The following ZCWPW2 variants were observed in gnomAD, a reference collection of about 807,000 sequenced individuals.
The protein encoded by ZCWPW2 is zinc finger CW-type and PWWP domain containing 2.
A neutral mutation model predicts 46.6 loss-of-function variants in ZCWPW2; 45 were observed. The ratio of observed to expected loss-of-function variants is 0.96; its 90% CI spans 0.76 to 1.24. The LOEUF (loss-of-function observed/expected upper bound fraction) is 1.24. ZCWPW2 is among the 50% of genes most tolerant of loss of function. The pLI is 0.00. For missense variants in ZCWPW2, 429 were observed against 403.9 expected, an observed-to-expected ratio of 1.06 and a Z score of -0.53; for synonymous variants, 152 against 137.1, an observed-to-expected ratio of 1.11 and a Z score of -0.76.
At chr3:28,362,871 C>A (rs1157259224) in intron 1 of ZCWPW2, among the ~76,000 whole-genome samples, 1 of 152,058 alleles carries the variant, frequency 6.6e-6, no homozygotes, top group Non-Finnish European at 1.5e-5. Context: ...CCATGGAATA[C>A]TTTGCAGTCA....
Position 28,524,574 on chromosome 3 carries a change from C to T in ZCWPW2, c.957C>T (p.Asn319=). The T allele has an allele frequency of 6.2e-7, 1 of 1,608,612 alleles. No individual in the cohort carries two copies. The highest frequency in any genetic ancestry group is 8.5e-7 in the Non-Finnish European group (1 of 1,177,548). The part of the protein sequence containing the change: ...PEAPAGSLFE[N]HYEEDYLVID... ...CTCCTGCAGGCAGTCTGTTTGAAAA[C>T]CACTATGAAGAGGACTATCTTGTAA... is the stretch of plus-strand genomic sequence containing the variant. The change falls in exon 10 of 10, where the codon AAC becomes AAT. Residue 319 remains asparagine (N), a synonymous_variant. Coordinates refer to ENST00000383768, the MANE Select transcript of ZCWPW2 (RefSeq NM_001040432.4).
chr3:28,393,569 C>T (rs1695580122), intron 2 of ZCWPW2, among the ~76,000 whole-genome samples: 1 of 152,026 alleles, frequency 6.6e-6, no homozygotes, highest in Non-Finnish European at 1.5e-5. Context: ...AATTAAACAG[C>T]ACATTAAAAG....
At chr3:28,419,912 C>T (rs1260652102) in intron 3 of ZCWPW2, among the ~76,000 whole-genome samples, 3 of 115,906 alleles carry the variant, frequency 2.6e-5, no homozygotes, top group Non-Finnish European at 3.5e-5. Context: ...CATCACACAC[C>T]GGGGACTGTT....
intron 1 of ZCWPW2, among the ~76,000 whole-genome samples, chr3:28,368,001 G>C (rs1191172423): frequency 1.3e-5 from 2 of 152,092 alleles, no homozygotes; most frequent in Non-Finnish European, 1.5e-5. Context: ...TTGCTTGGTA[G>C]ATCTTCCTCC....
chr3:28,515,745 GTATACACATATATACA>G, intron 8 of ZCWPW2, 124 bp downstream of exon 8: 1 of 720,400 alleles, frequency 1.4e-6, no homozygotes, highest in Non-Finnish European at 2.2e-6. Context: ...GTGTGTGTGT[GTATACACATATATACA>G]TGTGCGTACA....
chr3:28,447,402 AT>A (rs1335851506), intron 4 of ZCWPW2, among the ~76,000 whole-genome samples: 6 of 152,160 alleles, frequency 3.9e-5, no homozygotes, highest in African/African-American at 9.6e-5. Context: ...AAGAAAAAAA[AT>A]GATCAGCTTA....
rs986044606 is a variant in ZCWPW2 at position 28,500,705 on chromosome 3, G to A, written c.657+8532G>A. Reference sequence around the variant, plus strand: ...AGTTGCTTACATTTTATGACTAGATGTCTGGATATTTGTGGTAATTGCTAA... The same window carrying A: ...AGTTGCTTACATTTTATGACTAGATATCTGGATATTTGTGGTAATTGCTAA... On this transcript the variant is annotated intron_variant, in intron 6 of 9. Transcript: ENST00000383768. Among the ~76,000 whole-genome samples, 12 of 152,264 alleles carry A rather than the reference G, an allele frequency of 7.9e-5. 1 individual carries two copies. Among genetic ancestry groups the A allele is most frequent in the Admixed American group, 2.0e-4 (3 of 15,264 alleles).
At chr3:28,469,074 G>A (rs1559517379) in intron 4 of ZCWPW2, among the ~76,000 whole-genome samples, 1 of 152,100 alleles carries the variant, frequency 6.6e-6, no homozygotes, top group Non-Finnish European at 1.5e-5. Flanking sequence ...AAAAGAGGGA[G>A]GAAGGAGTTA....
chr3:28,514,052 T>C lies in ZCWPW2; in HGVS notation c.658-12T>C. The stretch of plus-strand genomic sequence containing the variant: ...ATATGAACTAACTCATATTTTTGTT[T>C]TTGTGTTATAGAAGCAGACTTCTAA... On this transcript the variant is annotated splice_polypyrimidine_tract_variant and intron_variant, in intron 6 of 9. Coordinates refer to ENST00000383768, the MANE Select transcript of ZCWPW2 (RefSeq NM_001040432.4). 3 of 1,497,402 alleles carry C rather than the reference T, an allele frequency of 2.0e-6. No homozygotes were observed. The highest frequency in any genetic ancestry group is 2.7e-6 in the Non-Finnish European group (3 of 1,097,950). The allele number at this position is 1,497,402 out of a possible 1,614,324, so 92.8% of individuals were successfully genotyped here. A position where few individuals can be genotyped will look rare whatever the true frequency, so the allele number is the denominator to read the frequency against.
chr3:28,500,850 G>A (rs10460987), intron 6 of ZCWPW2, among the ~76,000 whole-genome samples: 22,004 of 152,110 alleles, frequency 0.14, 2,154 homozygotes, highest in East Asian at 0.44. Flanking sequence ...TCTAGCCCTA[G>A]GCAGAGAGAA....
At chr3:28,461,448 A>G (rs963663297) in intron 4 of ZCWPW2, 2 of 152,148 alleles carry the variant, frequency 1.3e-5, no homozygotes, top group Non-Finnish European at 2.9e-5. Flanking sequence ...TAAATTGTTT[A>G]CCCAAAATGA....
chr3:28,514,074 C>A lies in ZCWPW2; in HGVS notation c.668C>A (p.Ser223Tyr), dbSNP rs760490798. The change falls in exon 7 of 10, where the codon TCT becomes TAT. Residue 223 changes from serine to tyrosine, a missense_variant. Physicochemically the swap from Ser to Tyr is moderately radical, Grantham distance 144 (BLOSUM62 -2). Coordinates refer to ENST00000383768, the MANE Select transcript of ZCWPW2 (RefSeq NM_001040432.4). Reference protein sequence around the residue: ...AALVKKRKQTSKNNIEKKKPK... With the variant: ...AALVKKRKQTYKNNIEKKKPK... ...GTTTTTGTGTTATAGAAGCAGACTT[C>A]TAAAAATAATATTGAAAAGAAGAAG... 3.3e-6 allele frequency: 5 copies of A among 1,507,126 alleles called. No individual in the cohort carries two copies. Among genetic ancestry groups the A allele is most frequent in the Admixed American group, 1.8e-5 (1 of 54,378 alleles). 93.4% of individuals were successfully genotyped at this position (1,507,126 alleles called of 1,614,324 possible). A position where few individuals can be genotyped will look rare whatever the true frequency, so the allele number is the denominator to read the frequency against.
chr3:28,517,239 A>G (rs954715995), intron 8 of ZCWPW2, among the ~76,000 whole-genome samples: 10 of 152,192 alleles, frequency 6.6e-5, no homozygotes, highest in African/African-American at 2.4e-4. Context: ...ACCAGTAGCT[A>G]CTATATAAGG....
chr3:28,514,516 C>T (rs1006136770), intron 7 of ZCWPW2, among the ~76,000 whole-genome samples: 1 of 152,078 alleles, frequency 6.6e-6, no homozygotes, highest in African/African-American at 2.4e-5. Context: ...GGATAAGGGG[C>T]CAAAGGAGTT....
intron 8 of ZCWPW2, among the ~76,000 whole-genome samples, chr3:28,520,003 T>G (rs190337323): frequency 3.6e-3 from 538 of 151,046 alleles, no homozygotes; most frequent in Non-Finnish European, 6.0e-3. Context: ...TTTTTTTTTT[T>G]GCCTATTTTT....
chr3:28,446,867 A>G (rs1453480557), intron 4 of ZCWPW2, among the ~76,000 whole-genome samples: 5 of 152,150 alleles, frequency 3.3e-5, no homozygotes, highest in African/African-American at 1.2e-4. Flanking sequence ...AAAAATGACT[A>G]TAAGAGCATA....
chr3:28,454,198 C>G (rs1184536297), intron 4 of ZCWPW2, among the ~76,000 whole-genome samples: 2 of 152,128 alleles, frequency 1.3e-5, no homozygotes, highest in Non-Finnish European at 2.9e-5. Context: ...TTCATTAATT[C>G]TTCCTTCTAC....
chr3:28,456,617 T>C (rs1698432376), intron 4 of ZCWPW2, among the ~76,000 whole-genome samples: 1 of 152,232 alleles, frequency 6.6e-6, no homozygotes, highest in South Asian at 2.1e-4. Context: ...TTGTCTTTTA[T>C]GGCTCTTATT....
At chr3:28,370,155 C>A (rs1241339266) in intron 1 of ZCWPW2, among the ~76,000 whole-genome samples, 2 of 152,186 alleles carry the variant, frequency 1.3e-5, no homozygotes, top group African/African-American at 4.8e-5. Flanking sequence ...GTGCGCTGCA[C>A]CCACTGTCCT....
Sources: allele counts gnomAD v4.1 joint callset (sites outside exome capture counted in the v4.1 genomes callset), GRCh38; gene constraint gnomAD v4.1.1; transcripts MANE v1.5; gene names NCBI Gene and HGNC (gene_info 2026-07-23, HGNC 2026-07-21).